The following ZIC1 variants were observed in gnomAD, a reference collection of about 807,000 sequenced individuals.
The protein encoded by ZIC1 is zinc finger protein ZIC 1.
In ZIC1, 4 loss-of-function variants were observed where a neutral mutation model predicts 30.9. The observed-to-expected ratio is 0.13, with a 90% CI of 0.06 to 0.30. The LOEUF (loss-of-function observed/expected upper bound fraction) is 0.30. ZIC1 is among the 10% of genes least tolerant of loss of function. The pLI is 1.00. For synonymous variants in ZIC1, 305 were observed against 277.5 expected (o/e 1.10, Z -0.98); for missense variants, 441 against 639.3 (o/e 0.69, Z 3.34).
At position 147,409,732 on chromosome 3, in the gene ZIC1, A is replaced by C; in HGVS notation, c.-381A>C. 4.5e-6 allele frequency: 1 copy of C among 224,212 alleles called. No individual in the cohort carries two copies. The allele number at this position is 224,212 out of a possible 1,614,324, so 13.9% of individuals were successfully genotyped here. A position where few individuals can be genotyped will look rare whatever the true frequency, so the allele number is the denominator to read the frequency against. ...TCACATTCCTCTATGCTACAAATCC[A>C]GGAGGAAGTTTTTTTTTAGGGGGCT... On this transcript the variant is annotated 5_prime_UTR_variant, in exon 1 of 3. Transcript: ENST00000282928.
Position 147,416,111 on chromosome 3 carries a change from G to A in ZIC1, c.*2560G>A, listed in dbSNP as rs1382850688. 6.6e-6 allele frequency: 1 copy of A among 152,224 alleles called. No homozygotes were observed. Among genetic ancestry groups the A allele is most frequent in the East Asian group, 1.9e-4 (1 of 5,202 alleles). The allele number at this position is 152,224 out of a possible 1,614,324, so 9.4% of individuals were successfully genotyped here. On this transcript the variant is annotated 3_prime_UTR_variant, in exon 3 of 3. Coordinates refer to ENST00000282928, the MANE Select transcript of ZIC1 (RefSeq NM_003412.4). ...CCAAAAATTTGCGAAGCAAAAGCTA[G>A]CCCCAATTGGTTTGGAAGTTTGAAA...
chr3:147,413,668 C>G lies in ZIC1; in HGVS notation c.*117C>G, dbSNP rs1034677652. ...CAACCCCCACACAGACCCCGCAATC[C>G]TTTTTTAAAAAATCTGCCAATAGAC... On this transcript the variant is annotated 3_prime_UTR_variant, in exon 3 of 3. Transcript: ENST00000282928. 13 of 1,235,414 alleles carry G rather than the reference C, an allele frequency of 1.1e-5. No homozygotes were observed. Among genetic ancestry groups the G allele is most frequent in the Non-Finnish European group, 1.3e-5 (12 of 917,730 alleles). The allele number at this position is 1,235,414 out of a possible 1,614,324, so 76.5% of individuals were successfully genotyped here.
rs1433532217 is a variant in ZIC1 at position 147,410,248 on chromosome 3, G to A, written c.136G>A (p.Ala46Thr). ...GINPFADGMG[A>T]FKLNPSSHEL... ...CAACCCGTTCGCCGACGGCATGGGC[G>A]CCTTCAAGCTCAACCCCAGTTCGCA... The change falls in exon 1 of 3, where the codon GCC becomes ACC. Residue 46 changes from alanine to threonine, a missense_variant. Physicochemically the swap from Ala to Thr is moderately conservative, Grantham distance 58. Around this residue, in one of 5 missense-constraint regions of ZIC1, gnomAD observed 307 missense variants for 355.3 expected, o/e 0.86. Transcript: ENST00000282928. 1.9e-6 allele frequency: 3 copies of A among 1,601,124 alleles called. No individual in the cohort carries two copies. Among genetic ancestry groups the A allele is most frequent in the Non-Finnish European group, 2.5e-6 (3 of 1,179,682 alleles).
At chr3:147,412,469 C>T in intron 1 of ZIC1, 49 bp from the exon 2 acceptor site, 1 of 1,594,040 alleles carries the variant, frequency 6.3e-7, no homozygotes, top group South Asian at 1.2e-5. Flanking sequence ...GAAAAACGGC[C>T]GCGGTATTTT....
chr3:147,413,259 G>A (rs2087398129), intron 2 of ZIC1, 95 bp from the exon 3 acceptor site: 15 of 1,350,938 alleles, frequency 1.1e-5, no homozygotes, highest in Non-Finnish European at 1.4e-5. Flanking sequence ...GGGCTCCAAG[G>A]GGTCCAGGAG....
chr3:147,410,499 G>A lies in ZIC1; in HGVS notation c.387G>A (p.Gly129=). The A allele has an allele frequency of 1.2e-6, 2 of 1,607,412 alleles. No individual in the cohort carries two copies. The highest frequency in any genetic ancestry group is 1.7e-6 in the Non-Finnish European group (2 of 1,178,908). Residue 129 remains glycine, a synonymous_variant, in exon 1 of 3, where the codon GGG becomes GGA. Coordinates refer to ENST00000282928, the MANE Select transcript of ZIC1 (RefSeq NM_003412.4). ...TTGCTGCATCGGCCGGGGGCTTCGG[G>A]GGCCCACACGGCCACACGGACGCCG... The part of the protein sequence containing the change: ...SLFAASAGGF[G]GPHGHTDAAG...
chr3:147,413,381 C>A lies in ZIC1; in HGVS notation c.1174C>A (p.Gln392Lys). 6.2e-7 allele frequency: 1 copy of A among 1,613,954 alleles called. No homozygotes were observed. Among genetic ancestry groups the A allele is most frequent in the East Asian group, 2.2e-5 (1 of 44,862 alleles). Residue 392 changes from glutamine (Q) to lysine (K), a missense_variant, in exon 3 of 3, where the codon CAG becomes AAG. This residue lies in a region of ZIC1 where 31 missense variants were observed against 65.2 expected (regional missense o/e 0.48). Coordinates refer to ENST00000282928, the MANE Select transcript of ZIC1 (RefSeq NM_003412.4). ...KVHESSSQGS[Q>K]PSPAASSGYE... is the part of the protein sequence containing the mutation. ...CCACGAATCCTCCTCGCAGGGCTCG[C>A]AGCCTTCGCCGGCCGCCAGCTCTGG...
rs966555288 is a variant in ZIC1, at chr3:147,416,065, A to C, written c.*2514A>C. ...TGAGATTTATGGAAGTTGAATACCTAAGCAGGAATTGCTGCTAGCTCCAAA... is the reference window on the plus strand; with the variant it reads ...TGAGATTTATGGAAGTTGAATACCTCAGCAGGAATTGCTGCTAGCTCCAAA... On this transcript the variant is annotated 3_prime_UTR_variant, in exon 3 of 3. Transcript: ENST00000282928. The C allele has an allele frequency of 2.6e-5, 4 of 152,230 alleles. No individual in the cohort carries two copies. Among genetic ancestry groups the C allele is most frequent in the Admixed American group, 2.6e-4 (4 of 15,280 alleles). The allele number at this position is 152,230 out of a possible 1,614,324, so 9.4% of individuals were successfully genotyped here.
Position 147,413,410 on chromosome 3 carries a change from C to T in ZIC1, c.1203C>T (p.Tyr401=). The T allele has an allele frequency of 6.2e-7, 1 of 1,614,160 alleles. No homozygotes were observed. The highest frequency in any genetic ancestry group is 8.5e-7 in the Non-Finnish European group (1 of 1,180,022). The change falls in exon 3 of 3, where the codon TAC becomes TAT. Residue 401 remains tyrosine (Y), a synonymous_variant. Coordinates refer to ENST00000282928, the MANE Select transcript of ZIC1 (RefSeq NM_003412.4). ...SQPSPAASSG[Y]ESSTPPTIVS... ...CTTCGCCGGCCGCCAGCTCTGGCTA[C>T]GAATCCTCCACGCCTCCCACCATCG...
At chr3:147,413,058 A>C (rs1344337465) in intron 2 of ZIC1, among the ~76,000 whole-genome samples, 1 of 152,084 alleles carries the variant, frequency 6.6e-6, no homozygotes, top group Non-Finnish European at 1.5e-5. Flanking sequence ...TGGCTCACCT[A>C]AACATGGACA....
chr3:147,414,808 A>G lies in ZIC1; in HGVS notation c.*1257A>G, dbSNP rs1231874379. On this transcript the variant is annotated 3_prime_UTR_variant, in exon 3 of 3. Transcript: ENST00000282928. ...TAATTTAAATGACCTTTGCAGATGT[A>G]GAATAACAACCATAAAAATAACAGG... The G allele has an allele frequency of 6.6e-6, 1 of 152,668 alleles. No individual in the cohort carries two copies. Among genetic ancestry groups the G allele is most frequent in the South Asian group, 2.1e-4 (1 of 4,828 alleles). 9.5% of individuals were successfully genotyped at this position (152,668 alleles called of 1,614,324 possible). A position where few individuals can be genotyped will look rare whatever the true frequency, so the allele number is the denominator to read the frequency against.
intron 1 of ZIC1, among the ~76,000 whole-genome samples, chr3:147,411,575 A>G (rs1294009674): frequency 6.6e-6 from 1 of 152,216 alleles, no homozygotes; most frequent in East Asian, 1.9e-4. Context: ...GAAACAAAAC[A>G]GAGACAGAAA....
rs1171256545 is a variant in ZIC1, at chr3:147,415,867, T to C, written c.*2316T>C. 1 of 149,878 alleles carries C rather than the reference T, an allele frequency of 6.7e-6. No homozygotes were observed. Among genetic ancestry groups the C allele is most frequent in the African/African-American group, 2.4e-5 (1 of 41,402 alleles). The allele number at this position is 149,878 out of a possible 1,614,324, so 9.3% of individuals were successfully genotyped here. ...TTGTCTTTTCATCTCTTGCTATTTA[T>C]ATTTGTCACTGTTTCAACAAAGTCT... On this transcript the variant is annotated 3_prime_UTR_variant, in exon 3 of 3. Transcript: ENST00000282928.
At chr3:147,413,230 G>T in intron 2 of ZIC1, 124 bp from the exon 3 acceptor site, 1 of 996,526 alleles carries the variant, frequency 1.0e-6, no homozygotes, top group Non-Finnish European at 1.5e-6. Context: ...CCGCTGATCG[G>T]GCCTCACCTG....
Position 147,410,643 on chromosome 3 carries a change from G to C in ZIC1, c.531G>C (p.Gln177His). The change falls in exon 1 of 3, where the codon CAG becomes CAC. Residue 177 changes from glutamine (Q) to histidine (H), a missense_variant. This residue lies in a region of ZIC1 where 307 missense variants were observed against 355.3 expected (regional missense o/e 0.86). Transcript: ENST00000282928. ...GGGACATGTACCCGCGACCGGAGCA[G>C]TACGGCCAGGTGACCAGCCCGCGTT... ...FSGDMYPRPEQYGQVTSPRSE... is the reference protein window; with the variant it reads ...FSGDMYPRPEHYGQVTSPRSE... 6.2e-7 allele frequency: 1 copy of C among 1,613,688 alleles called. No individual in the cohort carries two copies. The highest frequency in any genetic ancestry group is 8.5e-7 in the Non-Finnish European group (1 of 1,179,926).
In ZIC1 at chr3:147,413,512, C is replaced by A; in HGVS notation, c.1305C>A (p.His435Gln). 1.2e-6 allele frequency: 2 copies of A among 1,614,178 alleles called. No individual in the cohort carries two copies. The highest frequency in any genetic ancestry group is 2.2e-5 in the South Asian group (2 of 91,080). ...SSSAVHHTAG[H>Q]SALSSNFNEW... ...CCGCAGTCCACCACACAGCCGGCCA[C>A]AGTGCGCTCTCTTCCAATTTTAACG... Residue 435 changes from histidine (H) to glutamine (Q), a missense_variant, in exon 3 of 3, where the codon CAC becomes CAA. By Grantham distance (24) the His-to-Gln change is conservative. Transcript: ENST00000282928.
Position 147,410,069 on chromosome 3 carries a change from G to T in ZIC1, c.-44G>T, listed in dbSNP as rs1370681966. ...GATTTTCCCTCCTCGGCTGGCGAGG[G>T]TGGGGGGGGCGGGGGAGGCCGGGGC... On this transcript the variant is annotated 5_prime_UTR_variant, in exon 1 of 3. Coordinates refer to ENST00000282928, the MANE Select transcript of ZIC1 (RefSeq NM_003412.4). 2.1e-6 allele frequency: 3 copies of T among 1,429,600 alleles called. No individual in the cohort carries two copies. The South Asian group carries it at 4.5e-5, about 21-fold the overall frequency. 88.6% of individuals were successfully genotyped at this position (1,429,600 alleles called of 1,614,324 possible).
In ZIC1 at chr3:147,414,295, G is replaced by A. The variant is rs1383180499; in HGVS notation, c.*744G>A. The A allele has an allele frequency of 2.0e-5, 3 of 152,552 alleles. No individual in the cohort carries two copies. Among genetic ancestry groups the A allele is most frequent in the Non-Finnish European group, 4.4e-5 (3 of 68,030 alleles). 9.4% of individuals were successfully genotyped at this position (152,552 alleles called of 1,614,324 possible). On this transcript the variant is annotated 3_prime_UTR_variant, in exon 3 of 3. Coordinates refer to ENST00000282928, the MANE Select transcript of ZIC1 (RefSeq NM_003412.4). ...CCTGTCAAGAATTCGTATAGTACGA[G>A]CCTGGATCTGCGTGTCAAACTGTTC...
In ZIC1 at chr3:147,413,422, G is replaced by A. The variant is rs1249596705; in HGVS notation, c.1215G>A (p.Thr405=). Residue 405 remains threonine (T), a synonymous_variant, in exon 3 of 3, where the codon ACG becomes ACA. Transcript: ENST00000282928. ...PAASSGYESS[T]PPTIVSPSTD... ...CCAGCTCTGGCTACGAATCCTCCAC[G>A]CCTCCCACCATCGTGTCTCCCTCCA... The A allele has an allele frequency of 6.2e-7, 1 of 1,613,986 alleles. No homozygotes were observed. The highest frequency in any genetic ancestry group is 1.1e-5 in the South Asian group (1 of 91,056).
Sources: gnomAD v4.1 joint callset for allele counts (sites outside exome capture counted in the v4.1 genomes callset) on GRCh38, gnomAD v4.1.1 for gene constraint, gnomAD v4.1.1 regional missense constraint, MANE v1.5 for transcripts, NCBI Gene and HGNC (gene_info 2026-07-23, HGNC 2026-07-21) for gene names.